RAB11FIP3: variants seen among roughly 807,000 people sequenced by gnomAD.
The protein encoded by RAB11FIP3 is rab11 family-interacting protein 3.
RAB11FIP3 carries 17 observed loss-of-function variants against 77.8 expected under a neutral mutation model. The observed-to-expected ratio is 0.22, with a 90% CI of 0.15 to 0.33. RAB11FIP3 has a LOEUF of 0.33. Ranked by LOEUF, RAB11FIP3 falls within the 10% of genes least tolerant of loss-of-function variation. The pLI is 1.00. For missense variants in RAB11FIP3, 1,005 were observed against 1,011.2 expected (o/e 0.99, Z 0.08); for synonymous variants, 437 against 448.2 (o/e 0.98, Z 0.31).
At chr16:452,670 G>A (rs1354545427) in intron 1 of RAB11FIP3, among the ~76,000 whole-genome samples, 29 of 101,442 alleles carry the variant, frequency 2.9e-4, no homozygotes, top group Admixed American at 1.4e-3. Flanking sequence ...TCCTGACCTC[G>A]TGATCTGCCC....
intron 1 of RAB11FIP3, among the ~76,000 whole-genome samples, chr16:443,268 G>A (rs1054055085): frequency 3.3e-5 from 5 of 152,128 alleles, no homozygotes; most frequent in African/African-American, 9.7e-5. Context: ...GTTGGCTTGC[G>A]AGTGCCTTTA....
At chr16:486,679 A>G (rs1205259179) in intron 4 of RAB11FIP3, among the ~76,000 whole-genome samples, 1 of 152,128 alleles carries the variant, frequency 6.6e-6, no homozygotes, top group East Asian at 1.9e-4. Context: ...CTTGGTCCTC[A>G]GTGTGACGTT....
chr16:425,978 C>T lies in RAB11FIP3; in HGVS notation c.-29C>T, dbSNP rs1232414694. ...TGAGCGCCTTTGTCTGCCGCCCGCG[C>T]CCTTCCGCACCACTAGCCTCTCGGG... On this transcript the variant is annotated 5_prime_UTR_variant, in exon 1 of 14. Coordinates refer to ENST00000262305, the MANE Select transcript of RAB11FIP3 (RefSeq NM_014700.4). The T allele has an allele frequency of 1.3e-5, 10 of 770,136 alleles. No individual in the cohort carries two copies. In the Admixed American group the frequency reaches 7.7e-3, roughly 596 times the overall value. The allele number at this position is 770,136 out of a possible 1,614,324, so 47.7% of individuals were successfully genotyped here. A position where few individuals can be genotyped will look rare whatever the true frequency, so the allele number is the denominator to read the frequency against.
At chr16:497,219 G>C in intron 6 of RAB11FIP3, 1 of 1,264,636 alleles carries the variant, frequency 7.9e-7, no homozygotes, top group Non-Finnish European at 1.0e-6. Flanking sequence ...GGTCTGGGCA[G>C]CTCCCCAAGG....
At chr16:451,156 T>G (rs1461466388) in intron 1 of RAB11FIP3, among the ~76,000 whole-genome samples, 1 of 152,060 alleles carries the variant, frequency 6.6e-6, no homozygotes, top group African/African-American at 2.4e-5. Flanking sequence ...AACCATTGAA[T>G]TGTACCCTTC....
chr16:522,245 A>AAAATATAT lies in RAB11FIP3; in HGVS notation c.*1407_*1408insAATATATA, dbSNP rs577077146. 7.4e-6 allele frequency: 1 copy of AAAATATAT among 134,688 alleles called. No homozygotes were observed. Among genetic ancestry groups the AAAATATAT allele is most frequent in the African/African-American group, 2.7e-5 (1 of 36,452 alleles). 8.3% of individuals were successfully genotyped at this position (134,688 alleles called of 1,614,324 possible). ...AAGAGAAAACTGTGTATACACATGA[A>AAAATATAT]ATATATATATATATATATATATATA... On this transcript the variant is annotated 3_prime_UTR_variant, in exon 14 of 14. Transcript: ENST00000262305.
At chr16:469,969 C>T (rs1350540305) in intron 2 of RAB11FIP3, among the ~76,000 whole-genome samples, 2 of 152,108 alleles carry the variant, frequency 1.3e-5, no homozygotes, top group African/African-American at 4.8e-5. Flanking sequence ...CCCACAATGT[C>T]CAGCTGATTT....
chr16:513,938 C>G (rs2032295459), intron 9 of RAB11FIP3, among the ~76,000 whole-genome samples: 3 of 152,240 alleles, frequency 2.0e-5, no homozygotes, highest in African/African-American at 7.2e-5. Flanking sequence ...CGTTTCTCGT[C>G]TGTGAGCGCC....
At chr16:493,799 G>A (rs2030831631) in intron 5 of RAB11FIP3, among the ~76,000 whole-genome samples, 1 of 146,832 alleles carries the variant, frequency 6.8e-6, no homozygotes, top group South Asian at 2.3e-4. Context: ...TAGACACGGG[G>A]TTTCACCATG....
chr16:448,264 T>C (rs1022982433), intron 1 of RAB11FIP3, among the ~76,000 whole-genome samples: 10 of 146,276 alleles, frequency 6.8e-5, no homozygotes, highest in Admixed American at 2.8e-4. Flanking sequence ...TTGCAGTGAG[T>C]CGAGATTGCG....
At chr16:453,063 A>C in intron 1 of RAB11FIP3, among the ~76,000 whole-genome samples, 1 of 79,188 alleles carries the variant, frequency 1.3e-5, no homozygotes, top group African/African-American at 5.3e-5. Context: ...CTATTTCTTT[A>C]TTTTTTAATT....
chr16:444,107 C>T (rs1443736622), intron 1 of RAB11FIP3, among the ~76,000 whole-genome samples: 3 of 152,198 alleles, frequency 2.0e-5, no homozygotes, highest in African/African-American at 7.2e-5. Context: ...TCAACCTGTG[C>T]ATGGAGGTTG....
Position 426,656 on chromosome 16 carries a change from A to T in RAB11FIP3, c.650A>T (p.Asp217Val). 1.3e-6 allele frequency: 2 copies of T among 1,573,176 alleles called. No homozygotes were observed. The highest frequency in any genetic ancestry group is 1.7e-6 in the Non-Finnish European group (2 of 1,161,086). ...LRAVFDALDGDGDGFVRIEDF... is the reference protein window; with the variant it reads ...LRAVFDALDGVGDGFVRIEDF... ...GCCGTGTTCGATGCCCTGGACGGGG[A>T]TGGGGACGGTTTCGTCCGCATCGAG... Residue 217 changes from aspartate (D) to valine (V), a missense_variant, in exon 1 of 14, where the codon GAT becomes GTT. By Grantham distance (152) the Asp-to-Val change is radical (BLOSUM62 -3). Transcript: ENST00000262305. This position sits in a 1 kb window ranked among gnomAD's most constrained non-coding sequence, Gnocchi z 5.0.
At position 461,310 on chromosome 16, in the gene RAB11FIP3, G is replaced by C; in HGVS notation, c.715-94G>C. 2.2e-6 allele frequency: 2 copies of C among 898,738 alleles called. No individual in the cohort carries two copies. The highest frequency in any genetic ancestry group is 3.4e-6 in the Non-Finnish European group (2 of 585,748). The allele number at this position is 898,738 out of a possible 1,614,324, so 55.7% of individuals were successfully genotyped here. A position where few individuals can be genotyped will look rare whatever the true frequency, so the allele number is the denominator to read the frequency against. ...CTGCTGTGCTTCCCCGTTCCCAGCAGGCCACACACCAGATCTCTCCCAGTC... is the reference window on the plus strand; with the variant it reads ...CTGCTGTGCTTCCCCGTTCCCAGCACGCCACACACCAGATCTCTCCCAGTC... On this transcript the variant is annotated intron_variant, in intron 1 of 13. Transcript: ENST00000262305. The surrounding 1 kb of genome is among the most constrained non-coding windows in gnomAD (Gnocchi z 4.5).
intron 4 of RAB11FIP3, among the ~76,000 whole-genome samples, chr16:483,804 C>G (rs1222793741): frequency 1.3e-5 from 2 of 151,968 alleles, no homozygotes; most frequent in Non-Finnish European, 2.9e-5. Flanking sequence ...CGAGGCATTC[C>G]TTTCTATTGA....
chr16:487,051 G>A (rs187981052), intron 4 of RAB11FIP3, among the ~76,000 whole-genome samples: 110 of 152,320 alleles, frequency 7.2e-4, no homozygotes, highest in African/African-American at 2.5e-3. Context: ...GGAAGGAAGG[G>A]GCTGATGCAG....
At position 500,813 on chromosome 16, in the gene RAB11FIP3, G is replaced by A. The variant is rs560443926; in HGVS notation, c.1302-2191G>A. 2.6e-5 allele frequency among the ~76,000 whole-genome samples: 4 copies of A among 152,176 alleles called. No homozygotes were observed. The South Asian group carries it at 8.3e-4, about 32-fold the overall frequency. On this transcript the variant is annotated intron_variant, in intron 6 of 13. Coordinates refer to ENST00000262305, the MANE Select transcript of RAB11FIP3 (RefSeq NM_014700.4). ...TGTGGTGGCTGCACGCTGGGTGCCTGGGGATGGCTGTGTCCCCGAGTCAGC... is the reference window on the plus strand; with the variant it reads ...TGTGGTGGCTGCACGCTGGGTGCCTAGGGATGGCTGTGTCCCCGAGTCAGC...
intron 3 of RAB11FIP3, among the ~76,000 whole-genome samples, chr16:479,360 C>G (rs1468222556): frequency 2.0e-5 from 3 of 152,052 alleles, no homozygotes; most frequent in Non-Finnish European, 4.4e-5. Context: ...CGACTGCACT[C>G]CAACCTGGGT....
chr16:454,985 G>C (rs530618160), intron 1 of RAB11FIP3, among the ~76,000 whole-genome samples: 1 of 151,276 alleles, frequency 6.6e-6, no homozygotes, highest in African/African-American at 2.4e-5. Context: ...GGGAGGTGGA[G>C]GTTGCAGTGA....
Sources: gnomAD v4.1 joint callset for allele counts (sites outside exome capture counted in the v4.1 genomes callset) on GRCh38, gnomAD v4.1.1 for gene constraint, Gnocchi (gnomAD v3.1) non-coding constraint, MANE v1.5 for transcripts, NCBI Gene and HGNC (gene_info 2026-07-23, HGNC 2026-07-21) for gene names.